PALM2AKAP2: variants seen among roughly 807,000 people sequenced by gnomAD.
PALM2AKAP2 encodes the protein PALM2-AKAP2 fusion protein.
PALM2AKAP2 carries 37 observed loss-of-function variants against 71.5 expected under a neutral mutation model. That is an observed-to-expected ratio of 0.52 (90% CI 0.40 to 0.68). The LOEUF (loss-of-function observed/expected upper bound fraction) is 0.68, where lower values mean the gene tolerates loss of function less well. PALM2AKAP2 is among the 30% of genes least tolerant of loss of function. The pLI is 0.00. For missense variants in PALM2AKAP2, 1,224 were observed against 1,191.8 expected (o/e 1.03, Z -0.40); for synonymous variants, 468 against 478.8 (o/e 0.98, Z 0.29).
chr9:110,139,372 G>A (rs551468474), intron 2 of PALM2AKAP2, among the ~76,000 whole-genome samples: 4 of 152,270 alleles, frequency 2.6e-5, no homozygotes, highest in East Asian at 1.9e-4. Context: ...TATGGAAAAC[G>A]CTGCTCAAAG....
intron 7 of PALM2AKAP2, among the ~76,000 whole-genome samples, chr9:110,042,974 G>T (rs927528030): frequency 2.6e-5 from 4 of 152,012 alleles, no homozygotes; most frequent in African/African-American, 7.3e-5. Context: ...TCACCCTGTT[G>T]TCCTAGCAAA....
intron 1 of PALM2AKAP2, among the ~76,000 whole-genome samples, chr9:110,109,355 T>TA (rs1318870031): frequency 6.6e-5 from 8 of 121,390 alleles, no homozygotes; most frequent in South Asian, 2.9e-4. Flanking sequence ...AAAGAAACAT[T>TA]TAAAAAAAAA....
At chr9:109,746,933 T>A (rs1828812401) in intron 1 of PALM2AKAP2, among the ~76,000 whole-genome samples, 1 of 152,088 alleles carries the variant, frequency 6.6e-6, no homozygotes, top group Admixed American at 6.6e-5. Flanking sequence ...GCAGTGCGTG[T>A]GGCAGAGATG....
chr9:109,914,220 C>G (rs895490016), intron 3 of PALM2AKAP2, among the ~76,000 whole-genome samples: 4 of 152,136 alleles, frequency 2.6e-5, no homozygotes, highest in African/African-American at 9.7e-5. Flanking sequence ...CAACAGTGAC[C>G]AAGATGGCAG....
intron 6 of PALM2AKAP2, among the ~76,000 whole-genome samples, chr9:109,994,817 T>C (rs1234574184): frequency 6.6e-6 from 1 of 152,162 alleles, no homozygotes; most frequent in Non-Finnish European, 1.5e-5. Flanking sequence ...GCTGGGAGGC[T>C]CTGATCCTGA....
At chr9:109,939,737 A>G (rs1831315265) in intron 6 of PALM2AKAP2, among the ~76,000 whole-genome samples, 5 of 152,266 alleles carry the variant, frequency 3.3e-5, no homozygotes, top group Admixed American at 3.3e-4. Context: ...GTGAGAAATC[A>G]GGAACTAACT....
At chr9:110,011,423 G>T (rs985320884) in intron 6 of PALM2AKAP2, among the ~76,000 whole-genome samples, 2 of 152,076 alleles carry the variant, frequency 1.3e-5, no homozygotes, top group African/African-American at 4.8e-5. Context: ...AACCATGGAT[G>T]TTAGTCGAGG....
chr9:110,037,042 C>CTGCATGAGT (rs1431621696), intron 7 of PALM2AKAP2, among the ~76,000 whole-genome samples: 1 of 152,168 alleles, frequency 6.6e-6, no homozygotes, highest in African/African-American at 2.4e-5. Flanking sequence ...TTTCATGTAT[C>CTGCATGAGT]TGCATGAGTG....
At chr9:110,045,734 A>C (rs1033695929), upstream of PALM2AKAP2, among the ~76,000 whole-genome samples, 21 of 152,072 alleles carry the variant, frequency 1.4e-4, no homozygotes, top group African/African-American at 4.6e-4. Flanking sequence ...CGTCTGGCTA[A>C]TTTTTGTAGG....
At chr9:109,653,742 A>G (rs1055424979) in intron 1 of PALM2AKAP2, among the ~76,000 whole-genome samples, 2 of 152,192 alleles carry the variant, frequency 1.3e-5, no homozygotes, top group Admixed American at 1.3e-4. Context: ...CTGAGTAGCA[A>G]CATTCTCAGT....
exon 4 of PALM2AKAP2, chr9:110,168,608 C>T: frequency 7.7e-7 from 1 of 1,291,272 alleles, no homozygotes; most frequent in East Asian, 2.6e-5. Context: ...ACAAACTCAG[C>T]AATCCTTATG....
At chr9:109,973,336 C>T (rs1198942503) in intron 6 of PALM2AKAP2, among the ~76,000 whole-genome samples, 1 of 152,130 alleles carries the variant, frequency 6.6e-6, no homozygotes, top group African/African-American at 2.4e-5. Flanking sequence ...ACAGGCAACC[C>T]CAGTAATGGT....
chr9:109,734,707 G>A (rs574312948), intron 1 of PALM2AKAP2, among the ~76,000 whole-genome samples: 16 of 152,168 alleles, frequency 1.1e-4, no homozygotes, highest in Non-Finnish European at 2.4e-4. Context: ...GGATCCATGT[G>A]TTAGAACCAA....
rs1828370648 is a variant in PALM2AKAP2 at position 109,719,182 on chromosome 9, T to C, written c.6-61306T>C. ...AACAATAAAACTCTGTTAGTTAGCA[T>C]GAAAAGGCCAAAGCATGTTTAGTCT... On this transcript the variant is annotated intron_variant, in intron 1 of 6. Coordinates refer to the PALM2AKAP2 transcript ENST00000374531. 1.3e-5 allele frequency among the ~76,000 whole-genome samples: 2 copies of C among 152,222 alleles called. 1 individual carries two copies. Among genetic ancestry groups the C allele is most frequent in the South Asian group, 4.1e-4 (2 of 4,832 alleles).
intron 1 of PALM2AKAP2, among the ~76,000 whole-genome samples, chr9:109,710,818 C>A (rs1415697002): frequency 6.6e-6 from 1 of 152,192 alleles, no homozygotes; most frequent in South Asian, 2.1e-4. Flanking sequence ...CTTGAAATTG[C>A]AGCCAATGGT....
At chr9:110,026,017 G>A (rs993774020) in intron 7 of PALM2AKAP2, among the ~76,000 whole-genome samples, 4 of 151,940 alleles carry the variant, frequency 2.6e-5, no homozygotes, top group East Asian at 1.9e-4. Flanking sequence ...CCACCACTAC[G>A]TCCCTCTGCA....
chr9:109,805,394 G>A (rs911072333), intron 1 of PALM2AKAP2, among the ~76,000 whole-genome samples: 1 of 152,172 alleles, frequency 6.6e-6, no homozygotes, highest in African/African-American at 2.4e-5. Flanking sequence ...AAAATAAAAT[G>A]ACCTGAATTA....
At chr9:109,729,379 C>T (rs1016289524) in intron 1 of PALM2AKAP2, among the ~76,000 whole-genome samples, 1 of 152,160 alleles carries the variant, frequency 6.6e-6, no homozygotes, top group African/African-American at 2.4e-5. Context: ...CAGGTGATCA[C>T]AGGCATAAAC....
Position 110,115,445 on chromosome 9 carries a change from C to T in PALM2AKAP2, c.157-20682C>T, listed in dbSNP as rs151293399. Among the ~76,000 whole-genome samples, 257 of 152,306 alleles carry T rather than the reference C, an allele frequency of 1.7e-3. 1 individual carries two copies. The highest frequency in any genetic ancestry group is 7.1e-3 in the East Asian group (37 of 5,178). Reference sequence around the variant, plus strand: ...GGGAGAAAAATTAGCGGCCCTGGCTCGAGTCTTCATTGCCCCTTGGCTGCC... The same window carrying T: ...GGGAGAAAAATTAGCGGCCCTGGCTTGAGTCTTCATTGCCCCTTGGCTGCC... On this transcript the variant is annotated intron_variant, in intron 1 of 3. Coordinates refer to ENST00000374525, the Ensembl canonical transcript of PALM2AKAP2.
Sources: gnomAD v4.1 joint callset for allele counts (sites outside exome capture counted in the v4.1 genomes callset) on GRCh38, gnomAD v4.1.1 for gene constraint, MANE v1.5 for transcripts, NCBI Gene and HGNC (gene_info 2026-07-23, HGNC 2026-07-21) for gene names.